The following ZDBF2 variants were observed in gnomAD, a reference collection of about 807,000 sequenced individuals.
ZDBF2 encodes the protein zinc finger DBF-type containing 2, also known as DBF4-type zinc finger-containing protein 2.
In ZDBF2, 6 loss-of-function variants were observed where a neutral mutation model predicts 9.4. That is an observed-to-expected ratio of 0.64 (90% CI 0.35 to 1.27). The LOEUF (loss-of-function observed/expected upper bound fraction) is 1.27, where lower values mean the gene tolerates loss of function less well. ZDBF2 is among the 50% of genes most tolerant of loss of function. ZDBF2 has a pLI of 0.03. For synonymous variants in ZDBF2, 905 were observed against 946.3 expected (o/e 0.96, Z 0.80); for missense variants, 2,697 against 2,766.8 (o/e 0.97, Z 0.57).
chr2:206,287,109 T>C (rs753654713), intron 3 of ZDBF2, among the ~76,000 whole-genome samples: 3 of 152,122 alleles, frequency 2.0e-5, no homozygotes, highest in South Asian at 2.1e-4. Context: ...ACAGATTTGC[T>C]CTTTGGTGGG....
At chr2:206,290,486 G>A (rs924730848) in intron 3 of ZDBF2, among the ~76,000 whole-genome samples, 3 of 152,202 alleles carry the variant, frequency 2.0e-5, no homozygotes, top group African/African-American at 7.2e-5. Context: ...ATGAATAGAG[G>A]TATGTATTTC....
chr2:206,308,637 C>T lies in ZDBF2; in HGVS notation c.4109C>T (p.Ser1370Phe), dbSNP rs574981861. ...NSYSPEESSD[S>F]NDSFQAAADE... The stretch of plus-strand genomic sequence containing the variant: ...TATAGTCCTGAAGAAAGTTCTGATT[C>T]CAATGACTCTTTTCAGGCAGCAGCA... The change falls in exon 5 of 5, where the codon TCC becomes TTC. Residue 1370 changes from serine (S) to phenylalanine (F), a missense_variant. Physicochemically the swap from Ser to Phe is radical, Grantham distance 155. This residue lies in a region of ZDBF2 where 1,783 missense variants were observed against 1,776.5 expected (regional missense o/e 1.00). Transcript: ENST00000374423. 1,040 of 1,612,600 alleles carry T rather than the reference C, an allele frequency of 6.4e-4. 15 individuals carry two copies. The South Asian group carries it at 0.011, about 17-fold the overall frequency.
chr2:206,280,679 A>G (rs1008905624), intron 2 of ZDBF2, among the ~76,000 whole-genome samples: 36 of 152,240 alleles, frequency 2.4e-4, no homozygotes, highest in Non-Finnish European at 8.8e-5. Flanking sequence ...CAGAAAATCA[A>G]TTTCTCATAA....
chr2:206,297,790 C>T (rs2105931699), intron 4 of ZDBF2, among the ~76,000 whole-genome samples: 1 of 152,256 alleles, frequency 6.6e-6, no homozygotes, highest in African/African-American at 2.4e-5. Flanking sequence ...AGCGATTCTC[C>T]TGCCTCAGCC....
intron 3 of ZDBF2, among the ~76,000 whole-genome samples, chr2:206,293,373 A>G (rs1691998258): frequency 6.6e-6 from 1 of 152,166 alleles, no homozygotes; most frequent in African/African-American, 2.4e-5. Flanking sequence ...ACAGGAGAAA[A>G]TCTCTATGAC....
In ZDBF2 at chr2:206,306,005, G is replaced by A. The variant is rs1692770292; in HGVS notation, c.1477G>A (p.Glu493Lys). The A allele has an allele frequency of 6.2e-7, 1 of 1,613,194 alleles. No individual in the cohort carries two copies. The highest frequency in any genetic ancestry group is 1.3e-5 in the African/African-American group (1 of 74,920). ...VDQSYESSSS[E>K]TNFDCDASPQ... is the part of the protein sequence containing the mutation. ...CCAAAGCTATGAATCTAGTAGTTCT[G>A]AAACGAATTTTGATTGTGATGCTTC... The change falls in exon 5 of 5, where the codon GAA (glutamate) becomes AAA (lysine). Residue 493 changes from glutamate to lysine, a missense_variant. Physicochemically the swap from Glu to Lys is moderately conservative, Grantham distance 56. Coordinates refer to ENST00000374423, the MANE Select transcript of ZDBF2 (RefSeq NM_020923.3).
chr2:206,280,361 T>A (rs530370334), intron 2 of ZDBF2, among the ~76,000 whole-genome samples: 1 of 152,346 alleles, frequency 6.6e-6, no homozygotes, highest in East Asian at 1.9e-4. Flanking sequence ...TGTGTGTATG[T>A]GATATTAGAT....
intron 2 of ZDBF2, among the ~76,000 whole-genome samples, chr2:206,281,382 G>A (rs1254184706): frequency 6.6e-6 from 1 of 152,184 alleles, no homozygotes; most frequent in Non-Finnish European, 1.5e-5. Context: ...CATGATAACA[G>A]AGAATGAGAC....
Position 206,307,874 on chromosome 2 carries a change from T to G in ZDBF2, c.3346T>G (p.Leu1116Val). ...GATTAATGAACCTAGTACTTATAAA[T>G]TAATACATCATCCTGATGTTTCTGT... Reference protein sequence around the residue: ...NKINEPSTYKLIHHPDVSVQS... With the variant: ...NKINEPSTYKVIHHPDVSVQS... The change falls in exon 5 of 5, where the codon TTA (leucine) becomes GTA (valine). Residue 1116 changes from leucine to valine, a missense_variant. Physicochemically the swap from Leu to Val is conservative, Grantham distance 32. This residue lies in a region of ZDBF2 where 1,783 missense variants were observed against 1,776.5 expected (regional missense o/e 1.00). Coordinates refer to ENST00000374423, the MANE Select transcript of ZDBF2 (RefSeq NM_020923.3). 6.2e-7 allele frequency: 1 copy of G among 1,613,600 alleles called. No homozygotes were observed. The highest frequency in any genetic ancestry group is 2.2e-5 in the East Asian group (1 of 44,872).
At position 206,306,618 on chromosome 2, in the gene ZDBF2, A is replaced by G. The variant is rs766534606; in HGVS notation, c.2090A>G (p.Lys697Arg). Residue 697 changes from lysine (K) to arginine (R), a missense_variant, in exon 5 of 5, where the codon AAG (lysine) becomes AGG (arginine). Around this residue, in one of 3 missense-constraint regions of ZDBF2, gnomAD observed 910 missense variants for 973.6 expected, o/e 0.93. Coordinates refer to ENST00000374423, the MANE Select transcript of ZDBF2 (RefSeq NM_020923.3). Reference protein sequence around the residue: ...RQKVDVDLENKSVQSSRSSLS... With the variant: ...RQKVDVDLENRSVQSSRSSLS... ...AAAGTGGATGTTGACCTTGAGAATA[A>G]GAGTGTTCAGTCTAGCCGTTCTTCT... 3.7e-6 allele frequency: 6 copies of G among 1,613,632 alleles called. No individual in the cohort carries two copies. In the East Asian group the frequency reaches 1.1e-4, roughly 30 times the overall value.
intron 3 of ZDBF2, among the ~76,000 whole-genome samples, chr2:206,285,722 C>T (rs1249045159): frequency 6.6e-6 from 1 of 152,118 alleles, no homozygotes; most frequent in Non-Finnish European, 1.5e-5. Context: ...AATCTTTGCC[C>T]AGACCACTGT....
intron 1 of ZDBF2, among the ~76,000 whole-genome samples, chr2:206,277,595 G>T (rs1691086669): frequency 1.3e-5 from 2 of 151,884 alleles, no homozygotes; most frequent in South Asian, 4.1e-4. Flanking sequence ...GTTTAACATT[G>T]ATGATAATTC....
intron 2 of ZDBF2, among the ~76,000 whole-genome samples, chr2:206,279,863 G>T (rs567222451): frequency 6.6e-6 from 1 of 152,254 alleles, no homozygotes; most frequent in Admixed American, 6.5e-5. Context: ...GGAGTGCAGT[G>T]GTGTGACCTC....
rs969420117 is a variant in ZDBF2 at position 206,310,781 on chromosome 2, A to G, written c.6253A>G (p.Arg2085Gly). The change falls in exon 5 of 5, where the codon AGG (arginine) becomes GGG (glycine). Residue 2085 changes from arginine to glycine, a missense_variant. Physicochemically the swap from Arg to Gly is moderately radical, Grantham distance 125 (BLOSUM62 -2). This residue lies in a region of ZDBF2 where 1,783 missense variants were observed against 1,776.5 expected (regional missense o/e 1.00). Coordinates refer to ENST00000374423, the MANE Select transcript of ZDBF2 (RefSeq NM_020923.3). ...TAACTGGGTTAAAATTCATTTTAATAGGAGCAACCAAAACTCCAGTGCAGG... is the reference window on the plus strand; with the variant it reads ...TAACTGGGTTAAAATTCATTTTAATGGGAGCAACCAAAACTCCAGTGCAGG... ...RRNWVKIHFN[R>G]SNQNSSAGDN... The G allele has an allele frequency of 3.1e-6, 5 of 1,614,016 alleles. No individual in the cohort carries two copies. In the African/African-American group the frequency reaches 5.3e-5, roughly 17 times the overall value.
chr2:206,297,921 TC>T (rs1288538230), intron 4 of ZDBF2, among the ~76,000 whole-genome samples: 2 of 152,304 alleles, frequency 1.3e-5, no homozygotes, highest in East Asian at 3.9e-4. Flanking sequence ...CCTCAGGTGA[TC>T]CACCCGCCTT....
rs74980547 is a variant in ZDBF2, at chr2:206,313,027, A to T, written c.*1434A>T. On this transcript the variant is annotated 3_prime_UTR_variant, in exon 5 of 5. Transcript: ENST00000374423. ...GTTGGTACAGATGCATTCAGTTGTCATTCATTCGTGTTAAGCCAAGATCCT... is the reference window on the plus strand; with the variant it reads ...GTTGGTACAGATGCATTCAGTTGTCTTTCATTCGTGTTAAGCCAAGATCCT... 57 of 152,298 alleles carry T rather than the reference A, an allele frequency of 3.7e-4. 1 individual carries two copies. In the East Asian group the frequency reaches 0.011, roughly 29 times the overall value. The allele number at this position is 152,298 out of a possible 1,614,324, so 9.4% of individuals were successfully genotyped here.
At position 206,305,221 on chromosome 2, in the gene ZDBF2, A is replaced by C; in HGVS notation, c.693A>C (p.Pro231=). 1.9e-6 allele frequency: 3 copies of C among 1,613,864 alleles called. No homozygotes were observed. Among genetic ancestry groups the C allele is most frequent in the Non-Finnish European group, 2.5e-6 (3 of 1,179,824 alleles). Reference sequence around the variant, plus strand: ...AAGTTGAGAAATATCTTGAACAGCCAGATGGGGCCTCTAGAAATCCTGTGC... The same window carrying C: ...AAGTTGAGAAATATCTTGAACAGCCCGATGGGGCCTCTAGAAATCCTGTGC... ...PNKVEKYLEQ[P]DGASRNPVPS... is the part of the protein sequence containing the mutation. Residue 231 remains proline (P), a synonymous_variant, in exon 5 of 5, where the codon CCA becomes CCC. Transcript: ENST00000374423.
intron 1 of ZDBF2, among the ~76,000 whole-genome samples, 171 bp downstream of exon 1, chr2:206,275,117 C>T (rs1406518803): frequency 1.3e-5 from 2 of 152,036 alleles, no homozygotes; most frequent in East Asian, 3.9e-4. Context: ...CCTTTCTGCC[C>T]CTGCTGCGTG....
Position 206,308,101 on chromosome 2 carries a change from C to T in ZDBF2, c.3573C>T (p.His1191=), listed in dbSNP as rs1347971763. The T allele has an allele frequency of 4.3e-5, 70 of 1,613,840 alleles. 1 individual carries two copies. In the East Asian group the frequency reaches 1.4e-3, roughly 33 times the overall value. The change falls in exon 5 of 5, where the codon CAC becomes CAT. Residue 1191 remains histidine (H), a synonymous_variant. Coordinates refer to ENST00000374423, the MANE Select transcript of ZDBF2 (RefSeq NM_020923.3). ...EQEHIELEGK[H]NQCCGSEVSF... Reference sequence around the variant, plus strand: ...AGCACATTGAACTAGAAGGTAAGCACAATCAATGTTGTGGTTCTGAAGTAA... The same window carrying T: ...AGCACATTGAACTAGAAGGTAAGCATAATCAATGTTGTGGTTCTGAAGTAA...
Sources: allele counts gnomAD v4.1 joint callset (sites outside exome capture counted in the v4.1 genomes callset), GRCh38; gene constraint gnomAD v4.1.1; regional missense constraint gnomAD v4.1.1; transcripts MANE v1.5; gene names NCBI Gene and HGNC (gene_info 2026-07-23, HGNC 2026-07-21).